The following GALNT18 variants were observed in gnomAD, a reference collection of about 807,000 sequenced individuals.
GALNT18 encodes the protein polypeptide N-acetylgalactosaminyltransferase 18, also known as GalNAc-transferase 18.
GALNT18 carries 44 observed loss-of-function variants against 69.5 expected under a neutral mutation model. The ratio of observed to expected loss-of-function variants is 0.63; its 90% CI spans 0.50 to 0.81. The LOEUF (loss-of-function observed/expected upper bound fraction) is 0.81. GALNT18 is among the 40% of genes least tolerant of loss of function. GALNT18 has a pLI of 0.00. For missense variants in GALNT18, 715 were observed against 810.0 expected, an observed-to-expected ratio of 0.88 and a Z score of 1.42; for synonymous variants, 364 against 318.2, an observed-to-expected ratio of 1.14 and a Z score of -1.53.
In GALNT18 at chr11:11,341,116, A is replaced by G. The variant is rs1401866371; in HGVS notation, c.1093-112T>C. On this transcript the variant is annotated intron_variant, in intron 6 of 10. Transcript: ENST00000227756. The surrounding 1 kb of genome is among the most constrained non-coding windows in gnomAD (Gnocchi z 6.3). ...GAAGAAAGTCAGCCCCTTCACCTTG[A>G]CTCCCCAGATCACTCTCTGTGAAGG... is the stretch of plus-strand genomic sequence containing the variant. 8.7e-6 allele frequency: 8 copies of G among 923,070 alleles called. No individual in the cohort carries two copies. In the African/African-American group the frequency reaches 1.3e-4, roughly 15 times the overall value. 57.2% of individuals were successfully genotyped at this position (923,070 alleles called of 1,614,324 possible).
intron 1 of GALNT18, among the ~76,000 whole-genome samples, chr11:11,503,863 A>G (rs1300292175): frequency 1.3e-5 from 2 of 152,132 alleles, no homozygotes; most frequent in Non-Finnish European, 2.9e-5. Flanking sequence ...CCATACAGCA[A>G]TCTCCCTGGT....
chr11:11,421,871 C>T lies in GALNT18; in HGVS notation c.595+10750G>A, dbSNP rs1324458730. 6.6e-6 allele frequency among the ~76,000 whole-genome samples: 1 copy of T among 152,150 alleles called. No homozygotes were observed. The highest frequency in any genetic ancestry group is 2.4e-5 in the African/African-American group (1 of 41,444). ...AAGGCACTTTGGAGACAGACTCACACCAGGATGCATAATTTAGCAAATAGA... is the reference window on the plus strand; with the variant it reads ...AAGGCACTTTGGAGACAGACTCACATCAGGATGCATAATTTAGCAAATAGA... On this transcript the variant is annotated intron_variant, in intron 3 of 10. Coordinates refer to ENST00000227756, the MANE Select transcript of GALNT18 (RefSeq NM_198516.3). This position sits in a 1 kb window ranked among gnomAD's most constrained non-coding sequence, Gnocchi z 5.6.
chr11:11,361,514 TTATCTATCTTTCTATC>T (rs1850646077), intron 6 of GALNT18, among the ~76,000 whole-genome samples: 1 of 151,808 alleles, frequency 6.6e-6, no homozygotes, highest in Admixed American at 6.6e-5. Flanking sequence ...GTCATAAAGT[TTATCTATCTTTCTATC>T]TATCTTTCTA....
intron 1 of GALNT18, among the ~76,000 whole-genome samples, chr11:11,574,221 A>G (rs557176327): frequency 2.2e-4 from 33 of 152,180 alleles, no homozygotes; most frequent in Non-Finnish European, 2.8e-4. Flanking sequence ...ACTGCACACT[A>G]GGTCAGACCC....
In GALNT18 at chr11:11,463,465, G is replaced by A. The variant is rs1013706049; in HGVS notation, c.236-14529C>T. ...GTGTACAGTGCAGAAGGATAAATAC[G>A]AGCCAGGGCCCCAGCGAGGTTGAGG... is the stretch of plus-strand genomic sequence containing the variant. On this transcript the variant is annotated intron_variant, in intron 1 of 10. Transcript: ENST00000227756. This position sits in a 1 kb window ranked among gnomAD's most constrained non-coding sequence, Gnocchi z 4.2. 1.3e-5 allele frequency among the ~76,000 whole-genome samples: 2 copies of A among 152,158 alleles called. No individual in the cohort carries two copies. The highest frequency in any genetic ancestry group is 2.9e-5 in the Non-Finnish European group (2 of 68,032).
chr11:11,288,920 G>A (rs1250656262), intron 10 of GALNT18, among the ~76,000 whole-genome samples: 2 of 152,114 alleles, frequency 1.3e-5, no homozygotes, highest in Admixed American at 6.5e-5. Flanking sequence ...CTGAGTGTCT[G>A]TGGAGCTTAA....
rs1052419407 is a variant in GALNT18, at chr11:11,314,319, T to A, written c.1512+12767A>T. Among the ~76,000 whole-genome samples the A allele has an allele frequency of 6.6e-6, 1 of 152,018 alleles. No homozygotes were observed. The highest frequency in any genetic ancestry group is 6.5e-5 in the Admixed American group (1 of 15,278). Reference sequence around the variant, plus strand: ...AAAACTCACTGTTTACAACTCTAATTGTGGAGTTTGGACATGAAGTGAAGA... The same window carrying A: ...AAAACTCACTGTTTACAACTCTAATAGTGGAGTTTGGACATGAAGTGAAGA... On this transcript the variant is annotated intron_variant, in intron 9 of 10. Coordinates refer to ENST00000227756, the MANE Select transcript of GALNT18 (RefSeq NM_198516.3). The surrounding 1 kb of genome is among the most constrained non-coding windows in gnomAD (Gnocchi z 5.2).
intron 10 of GALNT18, among the ~76,000 whole-genome samples, chr11:11,278,650 T>A (rs1848999380): frequency 6.7e-6 from 1 of 149,186 alleles, no homozygotes; most frequent in South Asian, 2.1e-4. Context: ...GAGTTAAAAT[T>A]AAAAAAAAAA....
chr11:11,553,862 T>A (rs991516146), intron 1 of GALNT18, among the ~76,000 whole-genome samples: 1 of 152,066 alleles, frequency 6.6e-6, no homozygotes, highest in African/African-American at 2.4e-5. Context: ...AGCTGAGAAA[T>A]CCATTTAACT....
At chr11:11,326,340 G>A (rs1262488715) in intron 9 of GALNT18, among the ~76,000 whole-genome samples, 1 of 152,046 alleles carries the variant, frequency 6.6e-6, no homozygotes, top group African/African-American at 2.4e-5. Flanking sequence ...CACCGTGCCT[G>A]GCCTAAAACA....
In GALNT18 at chr11:11,508,381, G is replaced by A. The variant is rs559386948; in HGVS notation, c.236-59445C>T. ...GTTTGGCAAATACTACATAAGTGAT[G>A]TTGTGCTCATCCCACTGCACTCCAT... On this transcript the variant is annotated intron_variant, in intron 1 of 10. Coordinates refer to ENST00000227756, the MANE Select transcript of GALNT18 (RefSeq NM_198516.3). Among the ~76,000 whole-genome samples the A allele has an allele frequency of 5.3e-5, 8 of 152,304 alleles. No homozygotes were observed. In the South Asian group the frequency reaches 1.0e-3, roughly 20 times the overall value.
intron 1 of GALNT18, among the ~76,000 whole-genome samples, chr11:11,504,505 C>T (rs551195790): frequency 3.9e-5 from 6 of 151,980 alleles, no homozygotes; most frequent in Non-Finnish European, 8.8e-5. Flanking sequence ...GTGTGTAATC[C>T]CTGCACTTTG....
At chr11:11,560,980 G>A (rs1281876515) in intron 1 of GALNT18, among the ~76,000 whole-genome samples, 1 of 152,172 alleles carries the variant, frequency 6.6e-6, no homozygotes, top group Non-Finnish European at 1.5e-5. Flanking sequence ...TTCTGCCATG[G>A]AAAACTCATT....
chr11:11,293,707 A>T (rs775819594), intron 9 of GALNT18, among the ~76,000 whole-genome samples: 53 of 151,792 alleles, frequency 3.5e-4, no homozygotes, highest in Non-Finnish European at 6.0e-4. Context: ...ATGCCCGGCT[A>T]ATTTTTGTAT....
chr11:11,272,615 C>A (rs936170513), intron 10 of GALNT18, among the ~76,000 whole-genome samples: 1 of 152,248 alleles, frequency 6.6e-6, no homozygotes, highest in African/African-American at 2.4e-5. Flanking sequence ...GGTTCCTGCA[C>A]TTTAAGCAAG....
At position 11,280,372 on chromosome 11, in the gene GALNT18, G is replaced by A. The variant is rs763955371; in HGVS notation, c.1678-9082C>T. Among the ~76,000 whole-genome samples, 118 of 152,108 alleles carry A rather than the reference G, an allele frequency of 7.8e-4. 1 individual carries two copies. The highest frequency in any genetic ancestry group is 1.4e-3 in the Non-Finnish European group (97 of 68,026). ...CGCTCTCACATGCCTAATGGCCTCT[G>A]TGGCCATGGGACCCTTCAGCTCTGC... On this transcript the variant is annotated intron_variant, in intron 10 of 10. Transcript: ENST00000227756.
At chr11:11,288,838 G>T (rs1183315850) in intron 10 of GALNT18, among the ~76,000 whole-genome samples, 4 of 150,994 alleles carry the variant, frequency 2.6e-5, no homozygotes, top group Non-Finnish European at 5.9e-5. Context: ...ACTAAGATAT[G>T]CAAATGCCTA....
In GALNT18 at chr11:11,596,660, C is replaced by T. The variant is rs1180520811; in HGVS notation, c.235+24699G>A. On this transcript the variant is annotated intron_variant, in intron 1 of 10. Transcript: ENST00000227756. This position sits in a 1 kb window ranked among gnomAD's most constrained non-coding sequence, Gnocchi z 4.2. The stretch of plus-strand genomic sequence containing the variant: ...TTTTATAGTTTGTTTTCAGATCGCC[C>T]ACTGATAGTGATAGAAATACAATTT... Among the ~76,000 whole-genome samples the T allele has an allele frequency of 6.6e-6, 1 of 152,030 alleles. No homozygotes were observed. Among genetic ancestry groups the T allele is most frequent in the African/African-American group, 2.4e-5 (1 of 41,380 alleles).
At chr11:11,488,337 C>T (rs956587962) in intron 1 of GALNT18, among the ~76,000 whole-genome samples, 6 of 152,034 alleles carry the variant, frequency 3.9e-5, no homozygotes, top group Non-Finnish European at 8.8e-5. Context: ...GGGTCCTCTT[C>T]GTCTGTCTTC....
Sources: allele counts gnomAD v4.1 joint callset (sites outside exome capture counted in the v4.1 genomes callset), GRCh38; gene constraint gnomAD v4.1.1; non-coding constraint Gnocchi (gnomAD v3.1); transcripts MANE v1.5; gene names NCBI Gene and HGNC (gene_info 2026-07-23, HGNC 2026-07-21).